SLC35D4: variants seen among roughly 807,000 people sequenced by gnomAD.
The protein encoded by SLC35D4 is UDP-N-acetylglucosamine transporter SLC35D4.
chr18:23,380,059 C>T, the SLC35D4 span, among the ~76,000 whole-genome samples: 1 of 151,836 alleles, frequency 6.6e-6, no homozygotes, highest in African/African-American at 2.4e-5. Context: ...ATCACGCCAC[C>T]GCACTCCAGC....
the SLC35D4 span, chr18:23,297,948 A>T: frequency 6.3e-7 from 1 of 1,589,728 alleles, no homozygotes; most frequent in East Asian, 2.2e-5. Flanking sequence ...GGGCTCGTAC[A>T]CAGGTGTACA....
At chr18:23,263,797 A>G in the SLC35D4 span, among the ~76,000 whole-genome samples, 2 of 152,244 alleles carry the variant, frequency 1.3e-5, no homozygotes, top group Non-Finnish European at 2.9e-5. Context: ...AGAATGGTTC[A>G]GGGATTACGA....
At chr18:23,401,748 C>T in the SLC35D4 span, among the ~76,000 whole-genome samples, 1 of 152,218 alleles carries the variant, frequency 6.6e-6, no homozygotes, top group African/African-American at 2.4e-5. Flanking sequence ...GACATGTGTA[C>T]TCCATGCCCT....
the SLC35D4 span, among the ~76,000 whole-genome samples, chr18:23,404,598 G>A: frequency 1.4e-4 from 20 of 141,830 alleles, no homozygotes; most frequent in East Asian, 1.9e-3. Context: ...ACTTGAACCC[G>A]GGAGGCTTGC....
the SLC35D4 span, among the ~76,000 whole-genome samples, chr18:23,431,765 T>C: frequency 6.6e-6 from 1 of 152,212 alleles, no homozygotes; most frequent in African/African-American, 2.4e-5. Flanking sequence ...TTACAGCACT[T>C]TATGAGTGAA....
the SLC35D4 span, among the ~76,000 whole-genome samples, chr18:23,295,143 A>G: frequency 3.3e-5 from 5 of 151,632 alleles, no homozygotes; most frequent in East Asian, 9.7e-4. Context: ...AAAGTTTGAC[A>G]TCCTAGATGA....
the SLC35D4 span, among the ~76,000 whole-genome samples, chr18:23,401,231 C>T: frequency 4.9e-4 from 75 of 152,276 alleles, no homozygotes; most frequent in African/African-American, 1.7e-3. Context: ...TGGTAAATGG[C>T]AAAGCCAGAA....
chr18:23,294,555 GAAC>G, the SLC35D4 span, among the ~76,000 whole-genome samples: 1 of 152,116 alleles, frequency 6.6e-6, no homozygotes, highest in Non-Finnish European at 1.5e-5. Flanking sequence ...GAGATTTTAA[GAAC>G]AACAGGCAGG....
chr18:23,385,661 G>A, the SLC35D4 span, among the ~76,000 whole-genome samples: 1 of 152,168 alleles, frequency 6.6e-6, no homozygotes, highest in Non-Finnish European at 1.5e-5. Context: ...CAGGAAGGTA[G>A]AGAGGTATTC....
At chr18:23,240,170 G>A in the SLC35D4 span, among the ~76,000 whole-genome samples, 1 of 152,158 alleles carries the variant, frequency 6.6e-6, no homozygotes, top group Non-Finnish European at 1.5e-5. Context: ...TTGGACGTGG[G>A]CCCCAGGGGG....
chr18:23,291,284 C>T, the SLC35D4 span, among the ~76,000 whole-genome samples: 1 of 152,214 alleles, frequency 6.6e-6, no homozygotes, highest in Non-Finnish European at 1.5e-5. Context: ...CTGAGAAGAA[C>T]AGAGTTCAAG....
At chr18:23,266,712 T>C in the SLC35D4 span, among the ~76,000 whole-genome samples, 1 of 152,222 alleles carries the variant, frequency 6.6e-6, no homozygotes, top group South Asian at 2.1e-4. Flanking sequence ...AGCAGCTCAA[T>C]GGGGTGATTA....
the SLC35D4 span, among the ~76,000 whole-genome samples, chr18:23,427,732 C>T: frequency 5.9e-5 from 9 of 152,040 alleles, no homozygotes; most frequent in African/African-American, 1.7e-4. Flanking sequence ...ATGTTTATTG[C>T]GGCACTATTC....
At chr18:23,243,356 G>C in the SLC35D4 span, among the ~76,000 whole-genome samples, 5 of 152,178 alleles carry the variant, frequency 3.3e-5, no homozygotes, top group East Asian at 5.8e-4. Context: ...ACAGGCCTGG[G>C]CAGTAGCTGA....
chr18:23,280,705 C>T, the SLC35D4 span, among the ~76,000 whole-genome samples: 7 of 152,176 alleles, frequency 4.6e-5, no homozygotes, highest in African/African-American at 1.7e-4. Context: ...CCCTTTATTC[C>T]CCAAAGCACA....
At chr18:23,356,517 A>T in the SLC35D4 span, 2 of 1,480,090 alleles carry the variant, frequency 1.4e-6, no homozygotes, top group South Asian at 1.1e-5. The surrounding 1 kb of genome is among the most constrained non-coding windows in gnomAD (Gnocchi z 4.1). Flanking sequence ...GGTCACTAGC[A>T]GTGACCCTGA....
the SLC35D4 span, among the ~76,000 whole-genome samples, chr18:23,293,498 G>A: frequency 6.6e-6 from 1 of 152,244 alleles, no homozygotes. Context: ...AAACCAGTGT[G>A]TTCTTACACT....
the SLC35D4 span, among the ~76,000 whole-genome samples, chr18:23,268,814 G>GTA: frequency 6.6e-6 from 1 of 152,054 alleles, no homozygotes. Context: ...GTGTGTGTGT[G>GTA]TGTGTGTGTG....
chr18:23,278,652 C>T, the SLC35D4 span, among the ~76,000 whole-genome samples: 3 of 152,088 alleles, frequency 2.0e-5, no homozygotes, highest in Non-Finnish European at 2.9e-5. Context: ...AAATGCTACG[C>T]GTGAAATCAT....
Sources: allele counts gnomAD v4.1 joint callset (sites outside exome capture counted in the v4.1 genomes callset), GRCh38; gene constraint gnomAD v4.1.1; non-coding constraint Gnocchi (gnomAD v3.1); transcripts MANE v1.5; gene names NCBI Gene and HGNC (gene_info 2026-07-23, HGNC 2026-07-21).